ITIH5: variants seen among roughly 807,000 people sequenced by gnomAD.
ITIH5 encodes inter-alpha-trypsin inhibitor heavy chain H5.
Under a neutral mutation model 77.5 loss-of-function variants are expected in ITIH5, and 65 were observed. The observed-to-expected ratio is 0.84, with a 90% CI of 0.69 to 1.03. The LOEUF (loss-of-function observed/expected upper bound fraction) is 1.03, where lower values mean the gene tolerates loss of function less well. Ranked by LOEUF, ITIH5 falls within the 50% of genes least tolerant of loss-of-function variation. The pLI is 0.00. For missense variants in ITIH5, 1,208 were observed against 1,213.1 expected (o/e 1.00, Z 0.06); for synonymous variants, 525 against 494.3 (o/e 1.06, Z -0.82).
At position 7,563,247 on chromosome 10, in the gene ITIH5, C is replaced by G. The variant is rs769874866; in HGVS notation, c.2665G>C (p.Val889Leu). The change falls in exon 14 of 14, where the codon GTC (valine) becomes CTC (leucine). Residue 889 changes from valine (V) to leucine (L), a missense_variant. Physicochemically the swap from Val to Leu is conservative, Grantham distance 32. Coordinates refer to ENST00000397146, the MANE Select transcript of ITIH5 (RefSeq NM_030569.7). ...LTVKGHQVPV[V>L]WKQRKIYNGE... is the part of the protein sequence containing the mutation. ...TTGTAAATCTTCCTTTGCTTCCAGA[C>G]CACTGGGACTTGGTGGCCTTTCACT... is the stretch of plus-strand genomic sequence containing the variant. The G allele has an allele frequency of 2.9e-4, 462 of 1,614,116 alleles. No homozygotes were observed. The highest frequency in any genetic ancestry group is 3.7e-4 in the Non-Finnish European group (441 of 1,180,052).
At chr10:7,649,496 G>GGATAGATGGATAGATA (rs1361527527) in intron 2 of ITIH5, among the ~76,000 whole-genome samples, 12 of 149,378 alleles carry the variant, frequency 8.0e-5, no homozygotes. Flanking sequence ...ATGGGTAAGT[G>GGATAGATGGATAGATA]GATAGATGGA....
At chr10:7,589,330 C>T (rs1189042662) in intron 7 of ITIH5, among the ~76,000 whole-genome samples, 2 of 152,138 alleles carry the variant, frequency 1.3e-5, no homozygotes, top group Admixed American at 1.3e-4. Flanking sequence ...CATGGTGGCA[C>T]GCGCCTGTAA....
chr10:7,579,695 C>T, intron 9 of ITIH5, 60 bp downstream of exon 9: 1 of 1,542,980 alleles, frequency 6.5e-7, no homozygotes, highest in Non-Finnish European at 8.8e-7. Context: ...TGAATTCCCA[C>T]CGCAGCCACC....
At chr10:7,633,137 A>G (rs1833739077) in intron 5 of ITIH5, among the ~76,000 whole-genome samples, 1 of 152,214 alleles carries the variant, frequency 6.6e-6, no homozygotes, top group Non-Finnish European at 1.5e-5. Context: ...TTAAAGCATG[A>G]GAATATTGTA....
intron 1 of ITIH5, among the ~76,000 whole-genome samples, chr10:7,661,857 T>C (rs1482933293): frequency 1.3e-5 from 2 of 152,072 alleles, no homozygotes; most frequent in Non-Finnish European, 1.5e-5. Flanking sequence ...CATGCCACCA[T>C]GCCCAGCTAA....
At chr10:7,599,648 C>G (rs1368997378) in intron 7 of ITIH5, among the ~76,000 whole-genome samples, 2 of 152,076 alleles carry the variant, frequency 1.3e-5, no homozygotes, top group African/African-American at 4.8e-5. Flanking sequence ...CATCCTACAC[C>G]TCTCATTATA....
At chr10:7,582,826 T>C (rs1832593396) in intron 8 of ITIH5, among the ~76,000 whole-genome samples, 1 of 152,182 alleles carries the variant, frequency 6.6e-6, no homozygotes. Context: ...AGAAGGATGG[T>C]TTCCAGAGGC....
chr10:7,563,495 A>C (rs1175667778), intron 13 of ITIH5, 111 bp from the exon 14 acceptor site: 2 of 838,848 alleles, frequency 2.4e-6, no homozygotes, highest in Non-Finnish European at 3.7e-6. Context: ...CCACAGCCCG[A>C]GACTGGACTC....
At chr10:7,576,321 G>C (rs1199245349) in intron 10 of ITIH5, 132 bp downstream of exon 10, 13 of 839,644 alleles carry the variant, frequency 1.5e-5, no homozygotes, top group Non-Finnish European at 2.0e-5. Flanking sequence ...ACTATACCCG[G>C]TCTGGGTTAT....
chr10:7,586,426 G>A (rs1832681744), intron 7 of ITIH5, among the ~76,000 whole-genome samples: 1 of 152,186 alleles, frequency 6.6e-6, no homozygotes, highest in Admixed American at 6.5e-5. Context: ...AGCCAGGCAA[G>A]TGTGCAAATT....
chr10:7,650,777 A>G (rs1262708706), intron 2 of ITIH5, among the ~76,000 whole-genome samples: 1 of 152,044 alleles, frequency 6.6e-6, no homozygotes, highest in Non-Finnish European at 1.5e-5. Flanking sequence ...TATTGAATGA[A>G]ACAGGAGAAA....
chr10:7,640,840 C>T lies in ITIH5; in HGVS notation c.315G>A (p.Lys105=), dbSNP rs1176071028. 6.2e-7 allele frequency: 1 copy of T among 1,611,768 alleles called. No individual in the cohort carries two copies. The highest frequency in any genetic ancestry group is 1.7e-5 in the Admixed American group (1 of 60,000). Residue 105 remains lysine (K), a synonymous_variant, in exon 4 of 14, where the codon AAG becomes AAA. Transcript: ENST00000397146. ...TCTCTGTAATTTCGCCCTGATACAC[C>T]TTGTCTCCAATAAGCCTGAAATACA... ...ITNFTMLIGD[K]VYQGEITERE...
chr10:7,583,626 G>A (rs556568040), intron 8 of ITIH5, among the ~76,000 whole-genome samples: 11 of 152,308 alleles, frequency 7.2e-5, no homozygotes, highest in Non-Finnish European at 1.2e-4. Flanking sequence ...GAGCCACTGC[G>A]CCTGGCCTAA....
At chr10:7,567,973 T>C (rs1175955069) in intron 12 of ITIH5, among the ~76,000 whole-genome samples, 1 of 152,226 alleles carries the variant, frequency 6.6e-6, no homozygotes, top group Non-Finnish European at 1.5e-5. Context: ...AGGTAGCATG[T>C]GTGTAAGTTG....
chr10:7,650,171 G>T (rs1045950515), intron 2 of ITIH5, among the ~76,000 whole-genome samples: 7 of 152,202 alleles, frequency 4.6e-5, no homozygotes, highest in African/African-American at 1.4e-4. Flanking sequence ...CACCCAAGAT[G>T]CCATCTGGAA....
rs11255191 is a variant in ITIH5, at chr10:7,562,925, C to T, written c.*158G>A. 17,885 of 448,678 alleles carry T rather than the reference C, an allele frequency of 0.04. 414 individuals carry two copies. Among genetic ancestry groups the T allele is most frequent in the Non-Finnish European group, 0.052 (11,870 of 227,112 alleles). 27.8% of individuals were successfully genotyped at this position (448,678 alleles called of 1,614,324 possible). On this transcript the variant is annotated 3_prime_UTR_variant, in exon 14 of 14. Transcript: ENST00000397146. Reference sequence around the variant, plus strand: ...CCCGCCCCTACCCACCCCTACCCTTCGCCCAGACAGACGTCGGATCTATGC... The same window carrying T: ...CCCGCCCCTACCCACCCCTACCCTTTGCCCAGACAGACGTCGGATCTATGC...
intron 5 of ITIH5, among the ~76,000 whole-genome samples, chr10:7,624,420 T>C (rs982888695): frequency 6.6e-6 from 1 of 151,796 alleles, no homozygotes; most frequent in Non-Finnish European, 1.5e-5. Context: ...GGCAGGAGAA[T>C]CACTTGGACC....
intron 2 of ITIH5, among the ~76,000 whole-genome samples, chr10:7,648,298 T>G (rs1184598239): frequency 6.6e-6 from 1 of 150,820 alleles, no homozygotes; most frequent in Admixed American, 6.6e-5. Context: ...CTTTTCGCAG[T>G]GATTATTGTT....
chr10:7,568,840 G>A (rs1042423001), intron 12 of ITIH5, among the ~76,000 whole-genome samples: 5 of 152,068 alleles, frequency 3.3e-5, no homozygotes, highest in African/African-American at 9.7e-5. Context: ...ACATGTTCAC[G>A]GCACACAGAC....
Sources: allele counts gnomAD v4.1 joint callset (sites outside exome capture counted in the v4.1 genomes callset), GRCh38; gene constraint gnomAD v4.1.1; transcripts MANE v1.5; gene names NCBI Gene and HGNC (gene_info 2026-07-23, HGNC 2026-07-21).